ARHGAP24: variants seen among roughly 807,000 people sequenced by gnomAD.
ARHGAP24 encodes the protein rho GTPase-activating protein 24.
Under a neutral mutation model 76.4 loss-of-function variants are expected in ARHGAP24, and 50 were observed. That is an observed-to-expected ratio of 0.65 (90% CI 0.52 to 0.83). The LOEUF (loss-of-function observed/expected upper bound fraction) is 0.83. Ranked by LOEUF, ARHGAP24 falls within the 40% of genes least tolerant of loss-of-function variation. ARHGAP24 has a pLI of 0.00. For missense variants in ARHGAP24, 930 were observed against 914.2 expected, an observed-to-expected ratio of 1.02 and a Z score of -0.22; for synonymous variants, 345 against 323.3, an observed-to-expected ratio of 1.07 and a Z score of -0.72.
intron 3 of ARHGAP24, among the ~76,000 whole-genome samples, chr4:85,752,337 C>T (rs1726294612): frequency 6.6e-6 from 1 of 152,208 alleles, no homozygotes; most frequent in Non-Finnish European, 1.5e-5. Flanking sequence ...GGAAGCATCC[C>T]TTCCCTTTTT....
intron 3 of ARHGAP24, among the ~76,000 whole-genome samples, chr4:85,885,039 G>A (rs184539704): frequency 7.9e-5 from 12 of 152,188 alleles, no homozygotes; most frequent in South Asian, 2.1e-4. Context: ...AAGTTACCAC[G>A]TAGAAGGAAA....
intron 2 of ARHGAP24, among the ~76,000 whole-genome samples, chr4:85,571,568 T>C (rs1190068207): frequency 6.6e-6 from 1 of 152,216 alleles, no homozygotes; most frequent in Non-Finnish European, 1.5e-5. Context: ...GTTAAAGAAC[T>C]TAATTAGGAA....
At chr4:85,748,449 C>T (rs1726134349) in intron 3 of ARHGAP24, among the ~76,000 whole-genome samples, 2 of 152,156 alleles carry the variant, frequency 1.3e-5, no homozygotes, top group South Asian at 4.1e-4. Context: ...TTTATAGTCA[C>T]ATCTTTTATT....
intron 2 of ARHGAP24, among the ~76,000 whole-genome samples, chr4:85,672,773 G>A (rs1722853202): frequency 6.6e-6 from 1 of 152,170 alleles, no homozygotes; most frequent in African/African-American, 2.4e-5. Context: ...AAAACACTTG[G>A]AAAGGAGAAA....
intron 3 of ARHGAP24, among the ~76,000 whole-genome samples, chr4:85,748,963 C>T (rs1355761387): frequency 2.6e-5 from 4 of 152,298 alleles, no homozygotes; most frequent in African/African-American, 4.8e-5. Context: ...TCTCCCTCAA[C>T]GTGGCAGAAT....
At chr4:85,768,891 CAT>C in intron 3 of ARHGAP24, among the ~76,000 whole-genome samples, 1 of 152,140 alleles carries the variant, frequency 6.6e-6, no homozygotes, top group East Asian at 1.9e-4. Context: ...TGACATCAAA[CAT>C]ATTAACATAT....
At chr4:85,906,554 G>T (rs1476636660) in intron 3 of ARHGAP24, among the ~76,000 whole-genome samples, 1 of 152,142 alleles carries the variant, frequency 6.6e-6, no homozygotes, top group Admixed American at 6.5e-5. Flanking sequence ...TTTGGTGCTA[G>T]TTAAATTTTG....
At chr4:85,832,593 C>A (rs1730053115) in intron 3 of ARHGAP24, among the ~76,000 whole-genome samples, 1 of 152,092 alleles carries the variant, frequency 6.6e-6, no homozygotes, top group African/African-American at 2.4e-5. Context: ...TGTGGACAAC[C>A]CTCTCTTAAC....
chr4:85,778,858 C>G (rs1317282606), intron 3 of ARHGAP24: 12 of 985,254 alleles, frequency 1.2e-5, no homozygotes, highest in Non-Finnish European at 1.2e-5. Flanking sequence ...CAGACAAGCT[C>G]TGTACTTTTT....
chr4:85,763,224 C>T (rs1726800249), intron 3 of ARHGAP24, among the ~76,000 whole-genome samples: 1 of 152,136 alleles, frequency 6.6e-6, no homozygotes, highest in African/African-American at 2.4e-5. Flanking sequence ...TGACTTTCTG[C>T]TAAGGTGACT....
rs558183437 is a variant in ARHGAP24, at chr4:86,001,456, G to A, written c.*734G>A. ...GTCTACCTTGCCAGATCCTCAGTGC[G>A]TATCGCCAATGCAGGATGCTCCTTA... On this transcript the variant is annotated 3_prime_UTR_variant, in exon 10 of 10. Coordinates refer to ENST00000395184, the MANE Select transcript of ARHGAP24 (RefSeq NM_001025616.3). 12 of 398,752 alleles carry A rather than the reference G, an allele frequency of 3.0e-5. No individual in the cohort carries two copies. The South Asian group carries it at 6.4e-4, about 21-fold the overall frequency. The allele number at this position is 398,752 out of a possible 1,614,324, so 24.7% of individuals were successfully genotyped here. A position where few individuals can be genotyped will look rare whatever the true frequency, so the allele number is the denominator to read the frequency against.
At chr4:85,583,819 C>T (rs1400432245) in intron 2 of ARHGAP24, among the ~76,000 whole-genome samples, 5 of 150,416 alleles carry the variant, frequency 3.3e-5, no homozygotes. Flanking sequence ...GACATTTATG[C>T]AGCCAAAAAA....
intron 3 of ARHGAP24, among the ~76,000 whole-genome samples, chr4:85,797,263 C>T (rs920076420): frequency 6.6e-6 from 1 of 152,000 alleles, no homozygotes; most frequent in Admixed American, 6.6e-5. Context: ...AGCTCCGCCT[C>T]CCGGGTTCAC....
intron 2 of ARHGAP24, among the ~76,000 whole-genome samples, chr4:85,581,550 G>A (rs1019322240): frequency 6.6e-6 from 1 of 152,140 alleles, no homozygotes; most frequent in Non-Finnish European, 1.5e-5. Context: ...TGTAAATGCT[G>A]TAGTACTGGC....
intron 5 of ARHGAP24, among the ~76,000 whole-genome samples, chr4:85,956,709 TAG>T (rs1560744662): frequency 6.6e-6 from 1 of 152,172 alleles, no homozygotes; most frequent in Non-Finnish European, 1.5e-5. Context: ...GGCAAGCCTT[TAG>T]CCCGATCGGG....
intron 2 of ARHGAP24, among the ~76,000 whole-genome samples, chr4:85,670,264 G>A (rs944188123): frequency 1.4e-4 from 22 of 152,284 alleles, no homozygotes; most frequent in Admixed American, 1.4e-3. Context: ...TTCATATCCT[G>A]TCAACCTTCA....
At chr4:85,941,724 A>C (rs1164657939) in intron 4 of ARHGAP24, among the ~76,000 whole-genome samples, 1 of 152,226 alleles carries the variant, frequency 6.6e-6, no homozygotes, top group Non-Finnish European at 1.5e-5. Context: ...AAGCTATTGA[A>C]TACCATTCCC....
intron 2 of ARHGAP24, among the ~76,000 whole-genome samples, chr4:85,609,192 A>G (rs922606224): frequency 6.6e-5 from 10 of 152,192 alleles, no homozygotes; most frequent in African/African-American, 1.9e-4. Context: ...AAAATTATCT[A>G]TTTTGCTAAA....
chr4:85,548,192 CAT>C (rs1725993122), intron 1 of ARHGAP24, among the ~76,000 whole-genome samples: 1 of 152,174 alleles, frequency 6.6e-6, no homozygotes, highest in Non-Finnish European at 1.5e-5. Flanking sequence ...CTTTCTGGCA[CAT>C]GTTATTCTAG....
Sources: gnomAD v4.1 joint callset for allele counts (sites outside exome capture counted in the v4.1 genomes callset) on GRCh38, gnomAD v4.1.1 for gene constraint, MANE v1.5 for transcripts, NCBI Gene and HGNC (gene_info 2026-07-23, HGNC 2026-07-21) for gene names.